NLRP4: variants seen among roughly 807,000 people sequenced by gnomAD.
The protein encoded by NLRP4 is NACHT, LRR and PYD domains-containing protein 4.
A neutral mutation model predicts 84.7 loss-of-function variants in NLRP4; 44 were observed. That is an observed-to-expected ratio of 0.52 (90% CI 0.41 to 0.67). The LOEUF is 0.67. Among genes scored for constraint, NLRP4 ranks in the 30% least tolerant of loss-of-function variants. NLRP4 has a pLI of 0.00. For synonymous variants in NLRP4, 544 were observed against 476.4 expected, an observed-to-expected ratio of 1.14 and a Z score of -1.85; for missense variants, 1,260 against 1,219.4, an observed-to-expected ratio of 1.03 and a Z score of -0.50.
intron 7 of NLRP4, among the ~76,000 whole-genome samples, chr19:55,873,155 C>CT (rs1985253260): frequency 1.3e-5 from 2 of 152,108 alleles, no homozygotes; most frequent in African/African-American, 4.8e-5. Flanking sequence ...AAGACTGTTC[C>CT]TTAGACAGAA....
intron 1 of NLRP4, among the ~76,000 whole-genome samples, chr19:55,838,116 C>T (rs1371785808): frequency 4.0e-5 from 6 of 149,748 alleles, no homozygotes; most frequent in Non-Finnish European, 7.4e-5. Flanking sequence ...GTTGGGGGTT[C>T]GAGACCAGCC....
intron 2 of NLRP4, among the ~76,000 whole-genome samples, chr19:55,852,815 G>C (rs1412561439): frequency 6.6e-6 from 1 of 151,812 alleles, no homozygotes; most frequent in African/African-American, 2.4e-5. Flanking sequence ...TGGTCTCTTA[G>C]ACGTGGTGGT....
chr19:55,876,924 T>G, intron 7 of NLRP4, 72 bp from the exon 8 acceptor site: 1 of 1,275,138 alleles, frequency 7.8e-7, no homozygotes, highest in Non-Finnish European at 1.1e-6. Context: ...CTGTCGTGCT[T>G]TGGTGTCTCT....
intron 1 of NLRP4, among the ~76,000 whole-genome samples, chr19:55,851,156 T>C (rs577985715): frequency 5.1e-4 from 29 of 56,452 alleles, no homozygotes; most frequent in Admixed American, 8.5e-4. Flanking sequence ...TTTACGAGGC[T>C]GCGGTGTAAT....
intron 3 of NLRP4, among the ~76,000 whole-genome samples, chr19:55,859,983 G>C (rs1401074806): frequency 9.0e-6 from 1 of 111,448 alleles, no homozygotes; most frequent in Non-Finnish European, 1.9e-5. Flanking sequence ...TTTTCTTCTT[G>C]TTCTTTTTTT....
At chr19:55,850,789 C>A (rs1374593451) in intron 1 of NLRP4, among the ~76,000 whole-genome samples, 4 of 125,584 alleles carry the variant, frequency 3.2e-5, no homozygotes, top group South Asian at 2.4e-4. Context: ...GGTGTAATTC[C>A]CGAGGCTGCG....
At chr19:55,867,670 TAGA>T in intron 5 of NLRP4, 36 bp from the exon 6 acceptor site, 1 of 1,586,490 alleles carries the variant, frequency 6.3e-7, no homozygotes, top group Non-Finnish European at 8.6e-7. Context: ...GTCCAGGAAC[TAGA>T]AACCAACAGA....
chr19:55,847,739 G>T (rs1161057882), intron 1 of NLRP4, among the ~76,000 whole-genome samples: 2 of 144,684 alleles, frequency 1.4e-5, no homozygotes, highest in Non-Finnish European at 3.0e-5. Flanking sequence ...TTTTGAGATG[G>T]AGTCTCGCTC....
intron 1 of NLRP4, among the ~76,000 whole-genome samples, chr19:55,848,550 C>A (rs2123005318): frequency 6.6e-6 from 1 of 152,172 alleles, no homozygotes; most frequent in South Asian, 2.1e-4. Flanking sequence ...ATTACAGGTA[C>A]CCACCACCAC....
chr19:55,837,879 T>C (rs552551689), intron 1 of NLRP4, among the ~76,000 whole-genome samples: 1 of 151,910 alleles, frequency 6.6e-6, no homozygotes, highest in South Asian at 2.1e-4. Context: ...CTACTAAAAA[T>C]ACAAAAATCA....
intron 7 of NLRP4, among the ~76,000 whole-genome samples, chr19:55,874,147 A>G (rs2123063763): frequency 6.8e-6 from 1 of 146,052 alleles, no homozygotes; most frequent in Admixed American, 6.9e-5. Flanking sequence ...CACATGTAAT[A>G]TTAAATTTTC....
intron 5 of NLRP4, among the ~76,000 whole-genome samples, 160 bp from the exon 6 acceptor site, chr19:55,867,549 A>T (rs768585090): frequency 9.9e-5 from 15 of 152,160 alleles, no homozygotes; most frequent in Admixed American, 2.6e-4. Flanking sequence ...CTGTCTCTGT[A>T]CCCCAGAGAC....
chr19:55,864,528 C>T (rs2123045963), intron 5 of NLRP4, among the ~76,000 whole-genome samples: 1 of 152,272 alleles, frequency 6.6e-6, no homozygotes, highest in Middle Eastern at 3.4e-3. Context: ...GCTCTATGAA[C>T]ACTCATGTGT....
intron 7 of NLRP4, among the ~76,000 whole-genome samples, chr19:55,871,566 A>G (rs1391337934): frequency 6.6e-6 from 1 of 152,230 alleles, no homozygotes; most frequent in Non-Finnish European, 1.5e-5. Context: ...ATTACCAGTT[A>G]GGATAACATG....
chr19:55,856,134 T>C (rs11879173), intron 2 of NLRP4, among the ~76,000 whole-genome samples: 8,069 of 151,964 alleles, frequency 0.053, 262 homozygotes, highest in East Asian at 0.093. Context: ...GCTGGGATTA[T>C]AGGCCTGTAC....
At chr19:55,872,409 T>C (rs1409171535) in intron 7 of NLRP4, among the ~76,000 whole-genome samples, 2 of 152,150 alleles carry the variant, frequency 1.3e-5, no homozygotes, top group Non-Finnish European at 2.9e-5. Context: ...ATAAAGCTCA[T>C]TGAGCCAAGG....
intron 1 of NLRP4, among the ~76,000 whole-genome samples, chr19:55,841,442 C>A (rs1012591961): frequency 1.3e-5 from 2 of 152,152 alleles, no homozygotes; most frequent in African/African-American, 2.4e-5. Flanking sequence ...TCCAGGTTGC[C>A]ACAAATGGCA....
At position 55,877,092 on chromosome 19, in the gene NLRP4, T is replaced by C; in HGVS notation, c.2622T>C (p.Asn874=). Residue 874 remains asparagine (N), a synonymous_variant, in exon 8 of 10, where the codon AAT becomes AAC. Transcript: ENST00000301295. ...TGAAGATTCTGCAAATTGGGTGCAA[T>C]GAAATCGGAGATGTGGGTGTGCAGC... is the stretch of plus-strand genomic sequence containing the variant. The part of the protein sequence containing the change: ...QNLKILQIGC[N]EIGDVGVQLL... The C allele has an allele frequency of 4.3e-6, 7 of 1,614,122 alleles. No individual in the cohort carries two copies. Among genetic ancestry groups the C allele is most frequent in the Non-Finnish European group, 5.9e-6 (7 of 1,179,980 alleles).
At chr19:55,861,208 C>A (rs984393101) in intron 3 of NLRP4, among the ~76,000 whole-genome samples, 178 bp from the exon 4 acceptor site, 1 of 152,172 alleles carries the variant, frequency 6.6e-6, no homozygotes, top group African/African-American at 2.4e-5. Flanking sequence ...GAAACGTCAC[C>A]CCAGGTTGAG....
Sources: gnomAD v4.1 joint callset for allele counts (sites outside exome capture counted in the v4.1 genomes callset) on GRCh38, gnomAD v4.1.1 for gene constraint, MANE v1.5 for transcripts, NCBI Gene and HGNC (gene_info 2026-07-23, HGNC 2026-07-21) for gene names.